Variants in RAB9A observed in about 807,000 individuals in gnomAD.
RAB9A encodes RAB9A, member RAS oncogene family.
RAB9A carries 1 observed loss-of-function variant against 10.3 expected under a neutral mutation model. The observed-to-expected ratio is 0.10, with a 90% CI of 0.03 to 0.46. The LOEUF (loss-of-function observed/expected upper bound fraction) is 0.46. Ranked by LOEUF, RAB9A falls within the 20% of genes least tolerant of loss-of-function variation. RAB9A has a pLI of 0.96. For missense variants in RAB9A, 92 were observed against 150.3 expected, an observed-to-expected ratio of 0.61 and a Z score of 2.03; for synonymous variants, 39 against 55.2, an observed-to-expected ratio of 0.71 and a Z score of 1.30.
intron 1 of RAB9A, among the ~76,000 whole-genome samples, chrX:13,691,826 T>C (rs1348263889): frequency 9.1e-6 from 1 of 110,480 alleles, no homozygotes; most frequent in Non-Finnish European, 1.9e-5. Context: ...CTGAGCAGCC[T>C]GTGGGGCACT....
At chrX:13,705,890 G>GGT (rs756959570) in intron 2 of RAB9A, among the ~76,000 whole-genome samples, 1 of 110,966 alleles carries the variant, frequency 9.0e-6, no homozygotes, top group Non-Finnish European at 1.9e-5. Context: ...GAGGGTGTGG[G>GGT]GTGTGCTGAG....
rs181515932 is a variant in RAB9A, at chrX:13,690,111, T to C, written c.-116+823T>C. Among the ~76,000 whole-genome samples, 4 of 111,381 alleles carry C rather than the reference T, an allele frequency of 3.6e-5. No individual in the cohort carries two copies. The East Asian group carries it at 1.1e-3, about 31-fold the overall frequency. On this transcript the variant is annotated intron_variant, in intron 1 of 2. Coordinates refer to ENST00000464506, the MANE Select transcript of RAB9A (RefSeq NM_004251.5). The stretch of plus-strand genomic sequence containing the variant: ...CCTGATAAAAATCAATGGGCAGAAT[T>C]TGATTGCTTCTTTAAAAATGTGTTT...
chrX:13,697,421 T>G (rs1388741553), intron 1 of RAB9A, among the ~76,000 whole-genome samples: 4 of 112,489 alleles, frequency 3.6e-5, no homozygotes, highest in African/African-American at 6.5e-5. Context: ...ATTTTAATTC[T>G]GTCTTCCAAA....
intron 1 of RAB9A, among the ~76,000 whole-genome samples, chrX:13,697,509 T>C (rs1309060644): frequency 3.6e-5 from 4 of 111,898 alleles, no homozygotes; most frequent in Non-Finnish European, 7.5e-5. Context: ...TGCTTGGTTC[T>C]TAAAACTTAA....
chrX:13,702,781 C>A (rs1000950103), intron 1 of RAB9A, among the ~76,000 whole-genome samples: 9 of 112,118 alleles, frequency 8.0e-5, no homozygotes, highest in Admixed American at 3.8e-4. Context: ...GTACCATATA[C>A]CTCTCATTTT....
intron 1 of RAB9A, among the ~76,000 whole-genome samples, chrX:13,692,802 C>T (rs762280061): frequency 1.5e-4 from 17 of 111,697 alleles, no homozygotes; most frequent in African/African-American, 2.6e-4. Flanking sequence ...ATCTTTTTGT[C>T]GGTAGCTTTG....
In RAB9A at chrX:13,710,312, A is replaced by G. The variant is rs923763764; in HGVS notation, c.*960A>G. 1 of 123,942 alleles carries G rather than the reference A, an allele frequency of 8.1e-6. No homozygotes were observed. Among genetic ancestry groups the G allele is most frequent in the African/African-American group, 3.2e-5 (1 of 30,987 alleles). 10.2% of individuals were successfully genotyped at this position (123,942 alleles called of 1,213,427 possible). ...AAGCTGACTTTATCACTCTCAGAAGAAATACTAAGAAGGATTGTACTTTGT... is the reference window on the plus strand; with the variant it reads ...AAGCTGACTTTATCACTCTCAGAAGGAATACTAAGAAGGATTGTACTTTGT... On this transcript the variant is annotated 3_prime_UTR_variant, in exon 3 of 3. Transcript: ENST00000464506.
At chrX:13,692,299 G>T (rs957580091) in intron 1 of RAB9A, among the ~76,000 whole-genome samples, 1 of 111,614 alleles carries the variant, frequency 9.0e-6, no homozygotes, top group Non-Finnish European at 1.9e-5. Context: ...GATAGAGTGA[G>T]ACCTTGTCGC....
intron 1 of RAB9A, among the ~76,000 whole-genome samples, chrX:13,702,695 G>T (rs2046179647): frequency 8.9e-6 from 1 of 111,978 alleles, no homozygotes; most frequent in Admixed American, 9.5e-5. Flanking sequence ...CTCACTGAGG[G>T]AGATGGTGGG....
At position 13,703,610 on chromosome X, in the gene RAB9A, G is replaced by A. The variant is rs1165629189; in HGVS notation, c.-115-204G>A. 16 of 112,138 alleles carry A rather than the reference G, an allele frequency of 1.4e-4. No individual in the cohort carries two copies. The Admixed American group carries it at 1.5e-3, about 11-fold the overall frequency. The allele number at this position is 112,138 out of a possible 1,213,427, so 9.2% of individuals were successfully genotyped here. On this transcript the variant is annotated intron_variant, in intron 1 of 2. Transcript: ENST00000464506. Reference sequence around the variant, plus strand: ...CAATAGAGGCTAGTACTTTAGCACAGTTCCACATAGTGATCACTGGGAGAC... The same window carrying A: ...CAATAGAGGCTAGTACTTTAGCACAATTCCACATAGTGATCACTGGGAGAC...
At chrX:13,702,265 C>G (rs2046177556) in intron 1 of RAB9A, among the ~76,000 whole-genome samples, 1 of 111,455 alleles carries the variant, frequency 9.0e-6, no homozygotes, top group African/African-American at 3.3e-5. Flanking sequence ...CTCCTCTTTT[C>G]TCATAGTTTT....
At chrX:13,696,871 G>GTT (rs2046150257) in intron 1 of RAB9A, among the ~76,000 whole-genome samples, 9 of 111,880 alleles carry the variant, frequency 8.0e-5, no homozygotes, top group African/African-American at 2.9e-4. Context: ...GATAGGGGCA[G>GTT]ACCTGGGGGG....
In RAB9A at chrX:13,692,239, G is replaced by A. The variant is rs142145750; in HGVS notation, c.-116+2951G>A. 6.5e-3 allele frequency among the ~76,000 whole-genome samples: 726 copies of A among 111,733 alleles called. 9 individuals are homozygous for A. The highest frequency in any genetic ancestry group is 0.022 in the African/African-American group (686 of 30,727). On this transcript the variant is annotated intron_variant, in intron 1 of 2. Coordinates refer to ENST00000464506, the MANE Select transcript of RAB9A (RefSeq NM_004251.5). ...GCAGAAGGACGACTTGAGCCCTGGAGTTCAAGGCTGCAGTGAGTCATGATC... is the reference window on the plus strand; with the variant it reads ...GCAGAAGGACGACTTGAGCCCTGGAATTCAAGGCTGCAGTGAGTCATGATC...
Position 13,710,421 on chromosome X carries a change from CAAG to C in RAB9A, c.*1070_*1072del, listed in dbSNP as rs746201598. ...TACTGAACATTTAGTGATTTGCTCT[CAAG>C]GAGATTTTTTGTTAGAAAAAGACTT... On this transcript the variant is annotated 3_prime_UTR_variant, in exon 3 of 3. Coordinates refer to ENST00000464506, the MANE Select transcript of RAB9A (RefSeq NM_004251.5). 30 of 123,614 alleles carry C rather than the reference CAAG, an allele frequency of 2.4e-4. No individual in the cohort carries two copies. The highest frequency in any genetic ancestry group is 8.4e-4 in the African/African-American group (26 of 30,953). The allele number at this position is 123,614 out of a possible 1,213,427, so 10.2% of individuals were successfully genotyped here.
Position 13,709,308 on chromosome X carries a change from G to T in RAB9A, c.562G>T (p.Val188Phe). Residue 188 changes from valine (V) to phenylalanine (F), a missense_variant, in exon 3 of 3, where the codon GTC (valine) becomes TTC (phenylalanine). Val to Phe is a conservative substitution (Grantham distance 50). Coordinates refer to ENST00000464506, the MANE Select transcript of RAB9A (RefSeq NM_004251.5). ...AGATCATTTGATTCAGACAGACACAGTCAATCTTCACCGAAAGCCCAAGCC... is the reference window on the plus strand; with the variant it reads ...AGATCATTTGATTCAGACAGACACATTCAATCTTCACCGAAAGCCCAAGCC... ...RSDHLIQTDT[V>F]NLHRKPKPSS... The T allele has an allele frequency of 8.3e-7, 1 of 1,207,927 alleles. No homozygotes were observed.
intron 1 of RAB9A, among the ~76,000 whole-genome samples, chrX:13,698,190 CTTTTTTT>C (rs67802719): frequency 0.01 from 386 of 38,333 alleles, 3 homozygotes; most frequent in African/African-American, 0.033. Context: ...TCTTTTTTTT[CTTTTTTT>C]TTTTTTTTTT....
In RAB9A at chrX:13,708,457, T is replaced by G. The variant is rs1602700633; in HGVS notation, c.-26-264T>G. Reference sequence around the variant, plus strand: ...GAGTAACGGTTCAGAGCAAGGGCTTTGGGGTCAGACTTGGGCTTGAGTGCC... The same window carrying G: ...GAGTAACGGTTCAGAGCAAGGGCTTGGGGGTCAGACTTGGGCTTGAGTGCC... On this transcript the variant is annotated intron_variant, in intron 2 of 2. Coordinates refer to ENST00000464506, the MANE Select transcript of RAB9A (RefSeq NM_004251.5). Among the ~76,000 whole-genome samples the G allele has an allele frequency of 3.6e-5, 4 of 111,486 alleles. No homozygotes were observed. In the Admixed American group the frequency reaches 3.8e-4, roughly 11 times the overall value.
chrX:13,704,771 C>A (rs1177520953), intron 2 of RAB9A, among the ~76,000 whole-genome samples: 1 of 110,285 alleles, frequency 9.1e-6, no homozygotes, highest in Non-Finnish European at 1.9e-5. Context: ...TGTGCTACCA[C>A]GCCCGGCTAA....
At chrX:13,705,570 G>T (rs2046193686) in intron 2 of RAB9A, among the ~76,000 whole-genome samples, 1 of 111,571 alleles carries the variant, frequency 9.0e-6, no homozygotes, top group African/African-American at 3.3e-5. Context: ...CAATAGTCTG[G>T]GTGGGGTTTG....
Sources: gnomAD v4.1 joint callset for allele counts (sites outside exome capture counted in the v4.1 genomes callset) on GRCh38, gnomAD v4.1.1 for gene constraint, MANE v1.5 for transcripts, NCBI Gene and HGNC (gene_info 2026-07-23, HGNC 2026-07-21) for gene names.